Variants in SDK1 observed in about 807,000 individuals in gnomAD.
The protein encoded by SDK1 is sidekick cell adhesion molecule 1.
SDK1 carries 157 observed loss-of-function variants against 245.5 expected under a neutral mutation model. The observed-to-expected ratio is 0.64, with a 90% CI of 0.56 to 0.73. The LOEUF is 0.73. Ranked by LOEUF, SDK1 falls within the 30% of genes least tolerant of loss-of-function variation. SDK1 has a pLI of 0.00. For missense variants in SDK1, 3,583 were observed against 3,002.3 expected, an observed-to-expected ratio of 1.19 and a Z score of -4.52; for synonymous variants, 1,647 against 1,278.5, an observed-to-expected ratio of 1.29 and a Z score of -6.15.
intron 9 of SDK1, among the ~76,000 whole-genome samples, chr7:3,966,767 C>T (rs1782115957): frequency 6.6e-6 from 1 of 152,088 alleles, no homozygotes; most frequent in African/African-American, 2.4e-5. Flanking sequence ...CTCACTGCAG[C>T]CTCAGCCTCC....
chr7:4,222,453 C>G (rs757384224), intron 40 of SDK1, among the ~76,000 whole-genome samples: 3 of 152,114 alleles, frequency 2.0e-5, no homozygotes, highest in Non-Finnish European at 2.9e-5. Context: ...CGCCATCACG[C>G]CCGGCTAATT....
chr7:3,877,032 T>G (rs745822745), intron 5 of SDK1, among the ~76,000 whole-genome samples: 1 of 152,228 alleles, frequency 6.6e-6, no homozygotes, highest in Admixed American at 6.5e-5. Flanking sequence ...TAAATCTTCA[T>G]TCTTACATTC....
At chr7:3,558,167 A>G (rs991930531) in intron 1 of SDK1, among the ~76,000 whole-genome samples, 7 of 152,332 alleles carry the variant, frequency 4.6e-5, no homozygotes, top group Non-Finnish European at 1.0e-4. Context: ...TACAGAAATG[A>G]CAATTTCATA....
rs150682668 is a variant in SDK1 at position 4,235,015 on chromosome 7, G to A, written c.5992+1596G>A. Among the ~76,000 whole-genome samples, 13 of 152,226 alleles carry A rather than the reference G, an allele frequency of 8.5e-5. No individual in the cohort carries two copies. In the East Asian group the frequency reaches 1.7e-3, roughly 20 times the overall value. Reference sequence around the variant, plus strand: ...CTTGTTGAAATTGAACTTAACCTTCGTCCTTTATGTGCTATGAGTTTGGAG... The same window carrying A: ...CTTGTTGAAATTGAACTTAACCTTCATCCTTTATGTGCTATGAGTTTGGAG... On this transcript the variant is annotated intron_variant, in intron 41 of 44. Coordinates refer to ENST00000404826, the MANE Select transcript of SDK1 (RefSeq NM_152744.4).
chr7:3,446,473 C>G (rs978293364), intron 1 of SDK1, among the ~76,000 whole-genome samples: 1 of 152,134 alleles, frequency 6.6e-6, no homozygotes, highest in African/African-American at 2.4e-5. Flanking sequence ...TACAATTTTT[C>G]TGCCAGTCCT....
intron 38 of SDK1, among the ~76,000 whole-genome samples, chr7:4,218,946 T>C (rs1386061983): frequency 6.6e-6 from 1 of 152,194 alleles, no homozygotes; most frequent in Non-Finnish European, 1.5e-5. Context: ...ACTTGATTTT[T>C]CCTTCTGGAA....
At chr7:4,004,441 T>C (rs1785307168) in intron 14 of SDK1, among the ~76,000 whole-genome samples, 1 of 152,252 alleles carries the variant, frequency 6.6e-6, no homozygotes, top group African/African-American at 2.4e-5. Context: ...AGCATGCTCA[T>C]TCTCATTCAT....
chr7:4,246,160 G>C (rs954358684), intron 44 of SDK1, among the ~76,000 whole-genome samples: 1 of 152,158 alleles, frequency 6.6e-6, no homozygotes, highest in Non-Finnish European at 1.5e-5. Context: ...CGCAGGTTCC[G>C]ACTCCTAAGT....
At chr7:3,479,203 C>T (rs192977747) in intron 1 of SDK1, among the ~76,000 whole-genome samples, 1 of 151,936 alleles carries the variant, frequency 6.6e-6, no homozygotes, top group Non-Finnish European at 1.5e-5. Flanking sequence ...GGGCGGATCA[C>T]TTGAGGTCAG....
At chr7:4,224,870 C>T (rs192992612) in intron 40 of SDK1, among the ~76,000 whole-genome samples, 1 of 151,244 alleles carries the variant, frequency 6.6e-6, no homozygotes, top group Admixed American at 6.6e-5. Flanking sequence ...ATAGTCCCAG[C>T]TACTCGGGAA....
chr7:4,139,831 G>C (rs1432963316), intron 28 of SDK1, among the ~76,000 whole-genome samples: 1 of 152,056 alleles, frequency 6.6e-6, no homozygotes, highest in Non-Finnish European at 1.5e-5. Context: ...CCGCATCAGA[G>C]GGCCTCGCCC....
intron 1 of SDK1, among the ~76,000 whole-genome samples, chr7:3,345,679 T>G (rs181636856): frequency 1.3e-5 from 2 of 152,262 alleles, no homozygotes; most frequent in Admixed American, 6.5e-5. Context: ...CTGAAAAGAC[T>G]CCTCAGCGTT....
intron 1 of SDK1, among the ~76,000 whole-genome samples, chr7:3,504,217 T>A (rs1015380778): frequency 8.6e-5 from 13 of 151,374 alleles, no homozygotes; most frequent in African/African-American, 2.9e-4. Context: ...TGTGTGTAGA[T>A]AAAACACAAT....
chr7:3,792,248 C>G (rs542405144), intron 4 of SDK1, among the ~76,000 whole-genome samples: 2 of 152,324 alleles, frequency 1.3e-5, no homozygotes, highest in East Asian at 1.9e-4. Flanking sequence ...TGTCCAGATC[C>G]TGACCTGCAA....
chr7:3,965,209 T>C (rs986623323), intron 9 of SDK1, among the ~76,000 whole-genome samples: 4 of 152,178 alleles, frequency 2.6e-5, no homozygotes, highest in Admixed American at 2.6e-4. Context: ...GGGTGCAGGC[T>C]GAATTTGGCC....
intron 4 of SDK1, among the ~76,000 whole-genome samples, chr7:3,682,523 C>CAGGGCAGTCCAGCGTCAGAACTCAT (rs1784133016): frequency 4.6e-5 from 7 of 150,810 alleles, no homozygotes; most frequent in African/African-American, 1.7e-4. Flanking sequence ...TCAGAACTCA[C>CAGGGCAGTCCAGCGTCAGAACTCAT]GTGTCTGCTG....
At chr7:3,547,483 A>G (rs555270570) in intron 1 of SDK1, among the ~76,000 whole-genome samples, 23 of 152,348 alleles carry the variant, frequency 1.5e-4, no homozygotes, top group Admixed American at 4.6e-4. Flanking sequence ...TTATACTTCA[A>G]TTGTAATAGC....
chr7:3,405,810 CTTTCTTTTTT>C (rs1779036855), intron 1 of SDK1, among the ~76,000 whole-genome samples: 1 of 137,706 alleles, frequency 7.3e-6, no homozygotes, highest in Non-Finnish European at 1.6e-5. Flanking sequence ...TCTTTTCTTT[CTTTCTTTTTT>C]TTTTTTTTTT....
chr7:4,175,717 C>A, intron 33 of SDK1, 58 bp from the exon 34 acceptor site: 1 of 1,406,038 alleles, frequency 7.1e-7, no homozygotes, highest in Non-Finnish European at 1.0e-6. Flanking sequence ...CCGCACATCA[C>A]CTGCGATGGC....
Sources: gnomAD v4.1 joint callset for allele counts (sites outside exome capture counted in the v4.1 genomes callset) on GRCh38, gnomAD v4.1.1 for gene constraint, MANE v1.5 for transcripts, NCBI Gene and HGNC (gene_info 2026-07-23, HGNC 2026-07-21) for gene names.